The following RASEF variants were observed in gnomAD, a reference collection of about 807,000 sequenced individuals.
RASEF encodes the protein RAS and EF-hand domain containing, also known as ras and EF-hand domain-containing protein.
A neutral mutation model predicts 90.1 loss-of-function variants in RASEF; 68 were observed. The ratio of observed to expected loss-of-function variants is 0.75; its 90% confidence interval spans 0.62 to 0.92. The LOEUF is 0.92. RASEF is among the 40% of genes least tolerant of loss of function. The pLI is 0.00. For synonymous variants in RASEF, 331 were observed against 345.2 expected (o/e 0.96, Z 0.46); for missense variants, 949 against 937.2 (o/e 1.01, Z -0.16).
At chr9:83,101,015 C>A in the RASEF span, among the ~76,000 whole-genome samples, 5 of 152,242 alleles carry the variant, frequency 3.3e-5, no homozygotes, top group South Asian at 1.0e-3. Flanking sequence ...CCTCCAGTTT[C>A]AAATATTTCT....
chr9:83,194,008 T>C, the RASEF span, among the ~76,000 whole-genome samples: 3 of 152,216 alleles, frequency 2.0e-5, no homozygotes, highest in Non-Finnish European at 4.4e-5. Context: ...ATAATTTGGA[T>C]GTACAGGAAA....
At chr9:83,187,284 T>C in the RASEF span, among the ~76,000 whole-genome samples, 1 of 152,206 alleles carries the variant, frequency 6.6e-6, no homozygotes, top group South Asian at 2.1e-4. Context: ...ACTATACTTT[T>C]ATTTTCCTGT....
the RASEF span, among the ~76,000 whole-genome samples, chr9:83,163,203 C>T: frequency 3.8e-4 from 58 of 152,304 alleles, no homozygotes; most frequent in African/African-American, 1.3e-3. Context: ...GGCATGGCCT[C>T]ATAAAAGACT....
the RASEF span, among the ~76,000 whole-genome samples, chr9:83,143,464 C>G: frequency 6.6e-6 from 1 of 152,024 alleles, no homozygotes; most frequent in Non-Finnish European, 1.5e-5. Flanking sequence ...CCAACAAACA[C>G]ATGAAAAAAT....
intron 1 of RASEF, among the ~76,000 whole-genome samples, chr9:83,030,006 A>G (rs1015400546): frequency 2.2e-4 from 33 of 152,158 alleles, no homozygotes; most frequent in Admixed American, 2.2e-3. Context: ...ACTGACTACC[A>G]GGAAGGTAAA....
chr9:83,159,482 C>T, the RASEF span, among the ~76,000 whole-genome samples: 3 of 152,086 alleles, frequency 2.0e-5, no homozygotes, highest in Non-Finnish European at 1.5e-5. Flanking sequence ...TATGAATTTC[C>T]TTTAAAAGCA....
At chr9:83,045,155 T>C (rs536764191) in intron 1 of RASEF, among the ~76,000 whole-genome samples, 1 of 152,356 alleles carries the variant, frequency 6.6e-6, no homozygotes, top group East Asian at 1.9e-4. Context: ...ATATAACACA[T>C]ACATTTTATA....
the RASEF span, among the ~76,000 whole-genome samples, chr9:83,173,285 G>A: frequency 6.6e-6 from 1 of 151,712 alleles, no homozygotes; most frequent in Non-Finnish European, 1.5e-5. Flanking sequence ...ACCTTTCTCT[G>A]GGTTTGGAAA....
At chr9:83,217,164 C>T in the RASEF span, among the ~76,000 whole-genome samples, 1 of 151,986 alleles carries the variant, frequency 6.6e-6, no homozygotes, top group Admixed American at 6.5e-5. Context: ...CAGTTTCTCC[C>T]ATTTGGAAAG....
the RASEF span, among the ~76,000 whole-genome samples, chr9:83,069,011 A>G: frequency 6.6e-6 from 1 of 152,190 alleles, no homozygotes; most frequent in African/African-American, 2.4e-5. Flanking sequence ...TTGCAAACAG[A>G]AACTGTTAAA....
chr9:83,187,406 T>G, the RASEF span, among the ~76,000 whole-genome samples: 1 of 152,176 alleles, frequency 6.6e-6, no homozygotes, highest in South Asian at 2.1e-4. Context: ...TTTCTTTTGT[T>G]TTTTAAATCT....
At chr9:83,195,457 G>T in the RASEF span, among the ~76,000 whole-genome samples, 1 of 152,120 alleles carries the variant, frequency 6.6e-6, no homozygotes, top group Non-Finnish European at 1.5e-5. Flanking sequence ...GCCCACTGTG[G>T]CCATGCTGCT....
the RASEF span, among the ~76,000 whole-genome samples, chr9:83,126,932 G>T: frequency 1.3e-5 from 2 of 152,168 alleles, no homozygotes; most frequent in African/African-American, 4.8e-5. Flanking sequence ...TTGTTTTGCA[G>T]AAAAGTTTTA....
chr9:83,061,366 G>A (rs2117920758), intron 1 of RASEF, among the ~76,000 whole-genome samples: 1 of 152,298 alleles, frequency 6.6e-6, no homozygotes, highest in South Asian at 2.1e-4. Context: ...ACCTTCCAGG[G>A]ATACTTCCTT....
At chr9:83,085,071 C>G in the RASEF span, among the ~76,000 whole-genome samples, 26 of 152,110 alleles carry the variant, frequency 1.7e-4, no homozygotes, top group African/African-American at 6.0e-4. Context: ...AAGATATATC[C>G]CAGTAAGAAC....
At chr9:83,132,501 A>G in the RASEF span, among the ~76,000 whole-genome samples, 1 of 152,304 alleles carries the variant, frequency 6.6e-6, no homozygotes, top group African/African-American at 2.4e-5. Context: ...TCTAGGTGAT[A>G]TTAAGTGATT....
the RASEF span, among the ~76,000 whole-genome samples, chr9:83,216,345 G>C: frequency 5.3e-5 from 8 of 152,122 alleles, no homozygotes; most frequent in Non-Finnish European, 1.2e-4. Flanking sequence ...CCTGAGCCAG[G>C]TCCCAGGCCC....
intron 1 of RASEF, among the ~76,000 whole-genome samples, chr9:83,057,361 T>C (rs917465892): frequency 6.6e-6 from 1 of 152,160 alleles, no homozygotes; most frequent in African/African-American, 2.4e-5. Context: ...CAAAAATCAA[T>C]GTAGAAAAAT....
At chr9:83,064,567 T>G (rs762013615), upstream of RASEF, among the ~76,000 whole-genome samples, 1 of 152,254 alleles carries the variant, frequency 6.6e-6, no homozygotes, top group Non-Finnish European at 1.5e-5. Flanking sequence ...ATATTTATAC[T>G]GTTAGCAACT....
Sources: allele counts gnomAD v4.1 joint callset (sites outside exome capture counted in the v4.1 genomes callset), GRCh38; gene constraint gnomAD v4.1.1; transcripts MANE v1.5; gene names NCBI Gene and HGNC (gene_info 2026-07-23, HGNC 2026-07-21).